The following CHMP4B variants were observed in gnomAD, a reference collection of about 807,000 sequenced individuals.
CHMP4B encodes SNF7 homolog associated with Alix 1.
Under a neutral mutation model 25.1 loss-of-function variants are expected in CHMP4B, and 1 was observed. The ratio of observed to expected loss-of-function variants is 0.04; its 90% CI spans 0.01 to 0.19. The LOEUF is 0.19. Among genes scored for constraint, CHMP4B ranks in the 10% least tolerant of loss-of-function variants. The pLI, the probability that CHMP4B is intolerant of heterozygous loss-of-function variation, is 1.00. For synonymous variants in CHMP4B, 101 were observed against 115.6 expected, an observed-to-expected ratio of 0.87 and a Z score of 0.81; for missense variants, 151 against 289.7, an observed-to-expected ratio of 0.52 and a Z score of 3.48.
intron 1 of CHMP4B, among the ~76,000 whole-genome samples, chr20:33,812,848 A>G (rs1378736579): frequency 6.6e-6 from 1 of 152,194 alleles, no homozygotes; most frequent in Non-Finnish European, 1.5e-5. Context: ...TATCTGGAGG[A>G]TGCTTCTCTG....
chr20:33,852,106 A>C lies in CHMP4B; in HGVS notation c.513A>C (p.Leu171=). ...AGCTCATGGCGGAATTAGAAGAACT[A>C]GAACAGGAGGAACTAGACAAGAATT... The part of the protein sequence containing the change: ...EDELMAELEE[L]EQEELDKNLL... The change falls in exon 4 of 5, where the codon CTA becomes CTC. Residue 171 remains leucine (L), a synonymous_variant. Coordinates refer to ENST00000217402, the MANE Select transcript of CHMP4B (RefSeq NM_176812.5). 6.2e-7 allele frequency: 1 copy of C among 1,614,268 alleles called. No homozygotes were observed. The highest frequency in any genetic ancestry group is 8.5e-7 in the Non-Finnish European group (1 of 1,180,050).
At chr20:33,818,349 C>G (rs1248047809) in intron 1 of CHMP4B, among the ~76,000 whole-genome samples, 1 of 152,246 alleles carries the variant, frequency 6.6e-6, no homozygotes, top group East Asian at 1.9e-4. Flanking sequence ...TAATTCATCT[C>G]TGAGGTTGCA....
chr20:33,849,306 A>G (rs1369045912), intron 2 of CHMP4B, among the ~76,000 whole-genome samples: 1 of 152,226 alleles, frequency 6.6e-6, no homozygotes, highest in Non-Finnish European at 1.5e-5. Context: ...CTTGAATACA[A>G]TCTGCATTTG....
chr20:33,830,719 C>G (rs575457259), intron 1 of CHMP4B, among the ~76,000 whole-genome samples: 181 of 152,236 alleles, frequency 1.2e-3, no homozygotes, highest in African/African-American at 4.1e-3. Context: ...TGCAGCCACA[C>G]TGGGGCCAGG....
At chr20:33,824,950 G>T (rs8121151) in intron 1 of CHMP4B, among the ~76,000 whole-genome samples, 4,547 of 152,222 alleles carry the variant, frequency 0.03, 231 homozygotes, top group African/African-American at 0.1. Flanking sequence ...AGGATAAGGG[G>T]GTCATAAAGA....
intron 1 of CHMP4B, among the ~76,000 whole-genome samples, chr20:33,821,185 G>A (rs1420253759): frequency 2.6e-5 from 4 of 151,800 alleles, no homozygotes; most frequent in Non-Finnish European, 4.4e-5. Flanking sequence ...TCAGGAGTTC[G>A]AGACTAGCCT....
At chr20:33,831,580 C>G (rs1979253669) in intron 1 of CHMP4B, among the ~76,000 whole-genome samples, 1 of 150,746 alleles carries the variant, frequency 6.6e-6, no homozygotes, top group African/African-American at 2.4e-5. Flanking sequence ...CGCTATGTTG[C>G]CCAGGCTGGT....
intron 1 of CHMP4B, among the ~76,000 whole-genome samples, chr20:33,832,427 G>A (rs1979277487): frequency 6.6e-6 from 1 of 152,116 alleles, no homozygotes; most frequent in African/African-American, 2.4e-5. Flanking sequence ...CATTCCACCC[G>A]AGGGCCACAC....
chr20:33,850,412 C>T (rs1023092002), intron 2 of CHMP4B, among the ~76,000 whole-genome samples: 1 of 152,088 alleles, frequency 6.6e-6, no homozygotes, highest in Non-Finnish European at 1.5e-5. Context: ...CAAATGTTGA[C>T]GTATATGTGT....
At chr20:33,812,053 C>T (rs1978639322) in intron 1 of CHMP4B, among the ~76,000 whole-genome samples, 1 of 152,138 alleles carries the variant, frequency 6.6e-6, no homozygotes, top group Non-Finnish European at 1.5e-5. Context: ...TCTGTGCTTC[C>T]TGGTCCTACC....
In CHMP4B at chr20:33,850,918, C is replaced by T. The variant is rs780770988; in HGVS notation, c.369-34C>T. ...GCAGGCCCCCTTTACGCAGCCTAAT[C>T]GATTGATATGATACCTGTCCATTGC... On this transcript the variant is annotated intron_variant, in intron 2 of 4. Coordinates refer to ENST00000217402, the MANE Select transcript of CHMP4B (RefSeq NM_176812.5). 8.0e-6 allele frequency: 12 copies of T among 1,492,506 alleles called. 1 individual carries two copies. Among genetic ancestry groups the T allele is most frequent in the South Asian group, 7.9e-5 (7 of 88,470 alleles). 92.5% of individuals were successfully genotyped at this position (1,492,506 alleles called of 1,614,324 possible). A position where few individuals can be genotyped will look rare whatever the true frequency, so the allele number is the denominator to read the frequency against.
chr20:33,822,232 C>T (rs977907107), intron 1 of CHMP4B, among the ~76,000 whole-genome samples: 5 of 152,102 alleles, frequency 3.3e-5, no homozygotes, highest in Non-Finnish European at 7.4e-5. Flanking sequence ...CAACCTCCAC[C>T]TCCTGGGTTC....
At position 33,811,354 on chromosome 20, in the gene CHMP4B, G is replaced by A; in HGVS notation, c.-115G>A. On this transcript the variant is annotated 5_prime_UTR_variant, in exon 1 of 5. Coordinates refer to ENST00000217402, the MANE Select transcript of CHMP4B (RefSeq NM_176812.5). ...GGGCGGAGGCGGAGGCGGAGGAGAG[G>A]CCTGCGGCGGCAGGGAGCGGCGGGA... 2 of 870,156 alleles carry A rather than the reference G, an allele frequency of 2.3e-6. No individual in the cohort carries two copies. Among genetic ancestry groups the A allele is most frequent in the South Asian group, 5.0e-5 (1 of 20,140 alleles). 53.9% of individuals were successfully genotyped at this position (870,156 alleles called of 1,614,324 possible). A position where few individuals can be genotyped will look rare whatever the true frequency, so the allele number is the denominator to read the frequency against.
At chr20:33,826,797 G>A (rs566208852) in intron 1 of CHMP4B, among the ~76,000 whole-genome samples, 6 of 152,212 alleles carry the variant, frequency 3.9e-5, no homozygotes, top group African/African-American at 1.4e-4. Context: ...AAGGTAAGCA[G>A]GCAAATCCTC....
intron 2 of CHMP4B, 103 bp from the exon 3 acceptor site, chr20:33,850,849 G>A: frequency 1.3e-6 from 1 of 791,858 alleles, no homozygotes. Context: ...GTGTGGCTGG[G>A]AAGCTGATTT....
intron 2 of CHMP4B, among the ~76,000 whole-genome samples, chr20:33,850,508 T>C (rs1979816265): frequency 6.6e-6 from 1 of 152,218 alleles, no homozygotes; most frequent in Non-Finnish European, 1.5e-5. Context: ...TGCCTTTCCT[T>C]TGGGGTCCTA....
chr20:33,811,911 C>A (rs905514867), intron 1 of CHMP4B, among the ~76,000 whole-genome samples: 17 of 152,158 alleles, frequency 1.1e-4, no homozygotes, highest in African/African-American at 3.6e-4. Flanking sequence ...CCTTCAGACC[C>A]CAATCTCACA....
intron 1 of CHMP4B, among the ~76,000 whole-genome samples, chr20:33,813,143 TAAAA>T (rs754102878): frequency 1.5e-4 from 17 of 112,002 alleles, no homozygotes; most frequent in Non-Finnish European, 2.8e-4. Flanking sequence ...ACCAGCTCTG[TAAAA>T]AAAAAAAAAA....
intron 1 of CHMP4B, among the ~76,000 whole-genome samples, chr20:33,838,024 G>T (rs1174152882): frequency 6.6e-6 from 1 of 152,188 alleles, no homozygotes; most frequent in Non-Finnish European, 1.5e-5. Flanking sequence ...CTTGCTCAGT[G>T]ACATACTTTA....
Sources: allele counts gnomAD v4.1 joint callset (sites outside exome capture counted in the v4.1 genomes callset), GRCh38; gene constraint gnomAD v4.1.1; transcripts MANE v1.5; gene names NCBI Gene and HGNC (gene_info 2026-07-23, HGNC 2026-07-21).